Variants in DOP1A observed in about 807,000 individuals in gnomAD.
DOP1A encodes DOP1 leucine zipper like protein A, also known as protein DOP1A.
In DOP1A, 90 loss-of-function variants were observed where a neutral mutation model predicts 267.6. The observed-to-expected ratio is 0.34, with a 90% confidence interval of 0.28 to 0.40. The LOEUF (loss-of-function observed/expected upper bound fraction) is 0.40. DOP1A is among the 10% of genes least tolerant of loss of function. The pLI is 1.00. For synonymous variants in DOP1A, 932 were observed against 999.1 expected, an observed-to-expected ratio of 0.93 and a Z score of 1.27; for missense variants, 2,437 against 2,900.4, an observed-to-expected ratio of 0.84 and a Z score of 3.67.
Position 83,137,809 on chromosome 6 carries a change from T to C in DOP1A, c.3767T>C (p.Ile1256Thr). 2 of 1,613,854 alleles carry C rather than the reference T, an allele frequency of 1.2e-6. No individual in the cohort carries two copies. Among genetic ancestry groups the C allele is most frequent in the Non-Finnish European group, 1.7e-6 (2 of 1,179,866 alleles). ...HTLHDSSVAS[I>T]ETKSRQRSHS... ...CTTCATGACTCTTCTGTTGCTTCCA[T>C]AGAAACCAAATCTAGACAAAGGAGT... Residue 1256 changes from isoleucine (I) to threonine (T), a missense_variant, in exon 21 of 39, where the codon ATA becomes ACA. By Grantham distance (89) the Ile-to-Thr change is moderately conservative. Coordinates refer to ENST00000349129, the MANE Select transcript of DOP1A (RefSeq NM_015018.4).
downstream of DOP1A, chr6:83,169,191 G>C (rs141153201): frequency 1.1e-4 from 185 of 1,610,220 alleles, 1 homozygote; most frequent in East Asian, 3.6e-3. Flanking sequence ...GTTTTGTAAA[G>C]ACTTGTAAAA....
At chr6:83,169,985 AAGAAG>A (rs138474339), downstream of DOP1A, 231 of 396,492 alleles carry the variant, frequency 5.8e-4, 1 homozygote, top group African/African-American at 4.6e-3. Flanking sequence ...ATATTTTTAA[AAGAAG>A]AGAAAAGGAT....
At chr6:83,122,174 T>A (rs1776476191) in intron 11 of DOP1A, 124 bp downstream of exon 11, 20 of 1,062,476 alleles carry the variant, frequency 1.9e-5, no homozygotes, top group Non-Finnish European at 2.6e-5. Context: ...TAAAGCTGAT[T>A]TAATACTAGT....
In DOP1A at chr6:83,167,746, T is replaced by A. The variant is rs987494286; in HGVS notation, c.7093-116T>A. The A allele has an allele frequency of 3.7e-5, 54 of 1,448,904 alleles. 1 individual carries two copies. The highest frequency in any genetic ancestry group is 4.6e-5 in the South Asian group (3 of 65,392). 89.8% of individuals were successfully genotyped at this position (1,448,904 alleles called of 1,614,324 possible). ...TTTGATCAGGTCAGGAGTTAGAAAC[T>A]TAATGTCATTTGTATTCATTTCTTG... On this transcript the variant is annotated intron_variant, in intron 38 of 38. Coordinates refer to ENST00000349129, the MANE Select transcript of DOP1A (RefSeq NM_015018.4).
rs41271565 is a variant in DOP1A at position 83,137,607 on chromosome 6, C to T, written c.3565C>T (p.Pro1189Ser). The change falls in exon 21 of 39, where the codon CCA (proline) becomes TCA (serine). Residue 1189 changes from proline to serine, a missense_variant. Pro to Ser is a moderately conservative substitution (Grantham distance 74). This residue lies in a region of DOP1A where 878 missense variants were observed against 992.9 expected (regional missense o/e 0.88). Coordinates refer to ENST00000349129, the MANE Select transcript of DOP1A (RefSeq NM_015018.4). ...GCCCCCAAAGTGCAGTGATATAGAT[C>T]CAGATGAAGAGACGATTAAAATTGA... ...AMPPKCSDID[P>S]DEETIKIEDD... The T allele has an allele frequency of 1.2e-6, 2 of 1,613,770 alleles. No individual in the cohort carries two copies. Among genetic ancestry groups the T allele is most frequent in the Non-Finnish European group, 1.7e-6 (2 of 1,179,814 alleles).
chr6:83,090,210 T>C (rs1308589572), intron 1 of DOP1A, among the ~76,000 whole-genome samples: 1 of 152,216 alleles, frequency 6.6e-6, no homozygotes, highest in African/African-American at 2.4e-5. Flanking sequence ...CTTATTTAAT[T>C]TTGACAGCCA....
At chr6:83,070,895 C>A (rs1369436797) in intron 1 of DOP1A, among the ~76,000 whole-genome samples, 1 of 152,092 alleles carries the variant, frequency 6.6e-6, no homozygotes, top group Non-Finnish European at 1.5e-5. Flanking sequence ...TGGCATACTT[C>A]CTGTTTAGTT....
chr6:83,093,584 T>C (rs1208268724), intron 1 of DOP1A, among the ~76,000 whole-genome samples: 1 of 152,230 alleles, frequency 6.6e-6, no homozygotes, highest in Admixed American at 6.5e-5. Context: ...GTGATTCATA[T>C]ATTTTGAGTA....
intron 24 of DOP1A, 41 bp from the exon 25 acceptor site, chr6:83,145,483 T>G (rs1780499527): frequency 6.7e-7 from 1 of 1,498,906 alleles, no homozygotes; most frequent in Admixed American, 2.2e-5. Flanking sequence ...CCTAAAAGAC[T>G]TATATACATA....
At chr6:83,109,223 CATT>C (rs1160684928) in intron 5 of DOP1A, 143 bp downstream of exon 5, 5 of 711,388 alleles carry the variant, frequency 7.0e-6, no homozygotes, top group East Asian at 2.8e-5. Flanking sequence ...AGCAATGAAA[CATT>C]ATTATAGTTT....
chr6:83,068,441 CACA>C (rs1785065784), intron 1 of DOP1A, among the ~76,000 whole-genome samples: 2 of 152,196 alleles, frequency 1.3e-5, no homozygotes, highest in African/African-American at 4.8e-5. Context: ...GGGAATGGCA[CACA>C]ACTATTTTTC....
downstream of DOP1A, chr6:83,168,577 G>A: frequency 1.0e-6 from 1 of 997,564 alleles, no homozygotes; most frequent in Non-Finnish European, 1.2e-6. Flanking sequence ...ATCAGAGGCT[G>A]GGAAACGTAT....
chr6:83,138,376 A>T lies in DOP1A; in HGVS notation c.4334A>T (p.His1445Leu), dbSNP rs1392932424. 6.2e-7 allele frequency: 1 copy of T among 1,610,804 alleles called. No individual in the cohort carries two copies. The highest frequency in any genetic ancestry group is 1.7e-5 in the Admixed American group (1 of 59,994). Reference sequence around the variant, plus strand: ...AGTCACATTCCAGTGGACTCAAATCATAACTTCCGGAGTTCTATGTACATA... The same window carrying T: ...AGTCACATTCCAGTGGACTCAAATCTTAACTTCCGGAGTTCTATGTACATA... ...FYSHIPVDSN[H>L]NFRSSMYIEI... Residue 1445 changes from histidine (H) to leucine (L), a missense_variant, in exon 21 of 39, where the codon CAT becomes CTT. His to Leu is a moderately conservative substitution (Grantham distance 99). This residue lies in a region of DOP1A where 878 missense variants were observed against 992.9 expected (regional missense o/e 0.88). Coordinates refer to ENST00000349129, the MANE Select transcript of DOP1A (RefSeq NM_015018.4).
Position 83,159,784 on chromosome 6 carries a change from T to A in DOP1A, c.6798-12T>A. The A allele has an allele frequency of 6.2e-7, 1 of 1,614,156 alleles. No individual in the cohort carries two copies. The highest frequency in any genetic ancestry group is 1.1e-5 in the South Asian group (1 of 91,084). Reference sequence around the variant, plus strand: ...GGGTCCAGCTGCTGACAGCACTGTCTCCTGCTTACAGGACTTCAGGGCCCT... The same window carrying A: ...GGGTCCAGCTGCTGACAGCACTGTCACCTGCTTACAGGACTTCAGGGCCCT... On this transcript the variant is annotated splice_polypyrimidine_tract_variant and intron_variant, in intron 36 of 38. Transcript: ENST00000349129.
At chr6:83,156,470 T>C (rs1194177772) in intron 34 of DOP1A, among the ~76,000 whole-genome samples, 4 of 152,204 alleles carry the variant, frequency 2.6e-5, no homozygotes, top group Admixed American at 1.3e-4. Context: ...CAGGAAATTG[T>C]GGCTAGAAGT....
intron 27 of DOP1A, among the ~76,000 whole-genome samples, chr6:83,150,925 A>G (rs1781546801): frequency 6.6e-6 from 1 of 152,196 alleles, no homozygotes; most frequent in Non-Finnish European, 1.5e-5. Context: ...CCAAATTAAG[A>G]AATAAAACAC....
intron 4 of DOP1A, among the ~76,000 whole-genome samples, chr6:83,103,764 C>T (rs766850211): frequency 3.3e-5 from 5 of 152,132 alleles, no homozygotes; most frequent in Non-Finnish European, 5.9e-5. Context: ...ATATAATTTA[C>T]ATTCAATAAA....
In DOP1A at chr6:83,145,525, T is replaced by C; in HGVS notation, c.5543T>C (p.Val1848Ala). Residue 1848 changes from valine to alanine, a missense_variant and splice_region_variant, in exon 25 of 39, where the codon GTC becomes GCC. This residue lies in a region of DOP1A where 307 missense variants were observed against 308.6 expected (regional missense o/e 0.99). Coordinates refer to ENST00000349129, the MANE Select transcript of DOP1A (RefSeq NM_015018.4). ...TACATACAATGATTTATTACCTAGG[T>C]CATTCCTGCAGCCAGTGAAGAACAG... ...RQNKTTTRTK[V>A]IPAASEEQLL... 1.9e-6 allele frequency: 3 copies of C among 1,588,172 alleles called. No homozygotes were observed.
chr6:83,098,319 C>A (rs1771887565), intron 3 of DOP1A, among the ~76,000 whole-genome samples: 1 of 152,100 alleles, frequency 6.6e-6, no homozygotes, highest in South Asian at 2.1e-4. Flanking sequence ...TTTCTATAAC[C>A]CTAAAACAAG....
Sources: gnomAD v4.1 joint callset for allele counts (sites outside exome capture counted in the v4.1 genomes callset) on GRCh38, gnomAD v4.1.1 for gene constraint, gnomAD v4.1.1 regional missense constraint, MANE v1.5 for transcripts, NCBI Gene and HGNC (gene_info 2026-07-23, HGNC 2026-07-21) for gene names.